The following RING1 variants were observed in gnomAD, a reference collection of about 807,000 sequenced individuals.
RING1 encodes the protein ring finger protein 1.
A neutral mutation model predicts 35.0 loss-of-function variants in RING1; 8 were observed. That is an observed-to-expected ratio of 0.23 (90% CI 0.13 to 0.41). RING1 has a LOEUF of 0.41. Among genes scored for constraint, RING1 ranks in the 10% least tolerant of loss-of-function variants. RING1 has a pLI of 1.00. For missense variants in RING1, 343 were observed against 546.8 expected (o/e 0.63, Z 3.72); for synonymous variants, 214 against 224.3 (o/e 0.95, Z 0.41).
Position 33,208,795 on chromosome 6 carries a change from C to G in RING1, c.-28C>G, listed in dbSNP as rs758713322. 1 of 1,578,872 alleles carries G rather than the reference C, an allele frequency of 6.3e-7. No homozygotes were observed. Among genetic ancestry groups the G allele is most frequent in the Non-Finnish European group, 8.6e-7 (1 of 1,159,972 alleles). On this transcript the variant is annotated 5_prime_UTR_variant, in exon 2 of 7. Coordinates refer to ENST00000374656, the MANE Select transcript of RING1 (RefSeq NM_002931.4). The surrounding 1 kb of genome is among the most constrained non-coding windows in gnomAD (Gnocchi z 6.2). ...TTCGCCTTCTCCTCGGCTGTGGAGC[C>G]CTGGTGGGGGGTCTGCGCCCGGTCA...
intron 4 of RING1, 121 bp downstream of exon 4, chr6:33,210,251 GA>G: frequency 4.7e-6 from 4 of 845,322 alleles, no homozygotes; most frequent in Non-Finnish European, 7.5e-6. Flanking sequence ...ATTAGGGCTG[GA>G]AATCATGGGT....
chr6:33,212,254 T>TA, intron 6 of RING1, 44 bp from the exon 7 acceptor site: 1 of 1,350,468 alleles, frequency 7.4e-7, no homozygotes, highest in Non-Finnish European at 1.0e-6. Flanking sequence ...CTTCTCCAAC[T>TA]TTCCTCTCTC....
rs2150700950 is a variant in RING1, at chr6:33,208,542, AGC to A, written c.-160_-159del. ...GGGCCATGGCGGCGGCGGTGGCGGGAGCTGCTGTCTGAGCAGCGGTTGCGGAC... is the reference window on the plus strand; with the variant it reads ...GGGCCATGGCGGCGGCGGTGGCGGGATGCTGTCTGAGCAGCGGTTGCGGAC... On this transcript the variant is annotated 5_prime_UTR_variant, in exon 1 of 7. It adds an upstream start codon to the 5' untranslated region. Coordinates refer to ENST00000374656, the MANE Select transcript of RING1 (RefSeq NM_002931.4). This position sits in a 1 kb window ranked among gnomAD's most constrained non-coding sequence, Gnocchi z 6.2. 1 of 423,834 alleles carries A rather than the reference AGC, an allele frequency of 2.4e-6. No individual in the cohort carries two copies. Among genetic ancestry groups the A allele is most frequent in the Admixed American group, 4.4e-5 (1 of 22,842 alleles). The allele number at this position is 423,834 out of a possible 1,614,324, so 26.3% of individuals were successfully genotyped here. A position where few individuals can be genotyped will look rare whatever the true frequency, so the allele number is the denominator to read the frequency against.
chr6:33,212,470 C>T lies in RING1; in HGVS notation c.*71C>T. 9.7e-7 allele frequency: 1 copy of T among 1,034,322 alleles called. No homozygotes were observed. Among genetic ancestry groups the T allele is most frequent in the Non-Finnish European group, 1.5e-6 (1 of 682,162 alleles). 64.1% of individuals were successfully genotyped at this position (1,034,322 alleles called of 1,614,324 possible). On this transcript the variant is annotated 3_prime_UTR_variant, in exon 7 of 7. Coordinates refer to ENST00000374656, the MANE Select transcript of RING1 (RefSeq NM_002931.4). ...GTGTCCTGGTCTATCACCCCAGCTTCTTTGTCCCCCAGTACCCCCAGCCCA... is the reference window on the plus strand; with the variant it reads ...GTGTCCTGGTCTATCACCCCAGCTTTTTTGTCCCCCAGTACCCCCAGCCCA...
intron 4 of RING1, among the ~76,000 whole-genome samples, chr6:33,210,677 C>A (rs1775460443): frequency 6.6e-6 from 1 of 151,946 alleles, no homozygotes; most frequent in Admixed American, 6.6e-5. Context: ...AACAGTAGAG[C>A]GATTTTGAGA....
rs1313513104 is a variant in RING1, at chr6:33,210,148, G to A, written c.455+18G>A. On this transcript the variant is annotated intron_variant, in intron 4 of 6. Transcript: ENST00000374656. ...ATGCACAGGTGTGAGGGTCAGGAGA[G>A]AAGCAGAACTGATGGGATGGGTCCG... The A allele has an allele frequency of 6.2e-7, 1 of 1,610,698 alleles. No individual in the cohort carries two copies. The highest frequency in any genetic ancestry group is 1.7e-5 in the Admixed American group (1 of 59,948).
In RING1 at chr6:33,211,104, A is replaced by G; in HGVS notation, c.456-54A>G. On this transcript the variant is annotated intron_variant, in intron 4 of 6. Transcript: ENST00000374656. This position sits in a 1 kb window ranked among gnomAD's most constrained non-coding sequence, Gnocchi z 6.3. ...TATCTCTTAATTCTCTGAAGTTTAA[A>G]GTCTAAGCCCTTTATCCTGGATGCC... 6.7e-7 allele frequency: 1 copy of G among 1,503,272 alleles called. No homozygotes were observed. The highest frequency in any genetic ancestry group is 8.9e-7 in the Non-Finnish European group (1 of 1,125,226). 93.1% of individuals were successfully genotyped at this position (1,503,272 alleles called of 1,614,324 possible).
intron 4 of RING1, 83 bp downstream of exon 4, chr6:33,210,213 C>A: frequency 7.9e-7 from 1 of 1,267,140 alleles, no homozygotes; most frequent in African/African-American, 1.5e-5. Context: ...TAAGCCTCAG[C>A]ATCCTAGGAG....
Position 33,211,065 on chromosome 6 carries a change from A to G in RING1, c.456-93A>G. On this transcript the variant is annotated intron_variant, in intron 4 of 6. Coordinates refer to ENST00000374656, the MANE Select transcript of RING1 (RefSeq NM_002931.4). The surrounding 1 kb of genome is among the most constrained non-coding windows in gnomAD (Gnocchi z 6.3). ...TGTTTAATAAATATTAGGTATCGTCATTAGGATTTTTCTTATCTCTTAATT... is the reference window on the plus strand; with the variant it reads ...TGTTTAATAAATATTAGGTATCGTCGTTAGGATTTTTCTTATCTCTTAATT... 2 of 1,388,514 alleles carry G rather than the reference A, an allele frequency of 1.4e-6. No individual in the cohort carries two copies. Among genetic ancestry groups the G allele is most frequent in the Non-Finnish European group, 1.9e-6 (2 of 1,029,868 alleles). The allele number at this position is 1,388,514 out of a possible 1,614,324, so 86.0% of individuals were successfully genotyped here. A position where few individuals can be genotyped will look rare whatever the true frequency, so the allele number is the denominator to read the frequency against.
Position 33,209,782 on chromosome 6 carries a change from A to AG in RING1, c.236dup (p.Ser79ArgfsTer26). ...TGACTGCATTGTCACAGCCCTACGGAGCGGGTAATAGGAGAGACATGTTTG... is the reference window on the plus strand; with the variant it reads ...TGACTGCATTGTCACAGCCCTACGGAGGCGGGTAATAGGAGAGACATGTTTG... On this transcript the variant is annotated frameshift_variant, in exon 3 of 7. Transcript: ENST00000374656. LOFTEE classifies it high-confidence loss of function. The surrounding 1 kb of genome is among the most constrained non-coding windows in gnomAD (Gnocchi z 5.1). 6.2e-7 allele frequency: 1 copy of AG among 1,613,816 alleles called. No homozygotes were observed. The highest frequency in any genetic ancestry group is 8.5e-7 in the Non-Finnish European group (1 of 1,179,896).
At position 33,211,084 on chromosome 6, in the gene RING1, C is replaced by T. The variant is rs370438818; in HGVS notation, c.456-74C>T. On this transcript the variant is annotated intron_variant, in intron 4 of 6. Transcript: ENST00000374656. The surrounding 1 kb of genome is among the most constrained non-coding windows in gnomAD (Gnocchi z 6.3). ...ATCGTCATTAGGATTTTTCTTATCT[C>T]TTAATTCTCTGAAGTTTAAAGTCTA... is the stretch of plus-strand genomic sequence containing the variant. The T allele has an allele frequency of 1.4e-6, 2 of 1,469,358 alleles. No homozygotes were observed. Among genetic ancestry groups the T allele is most frequent in the Non-Finnish European group, 1.8e-6 (2 of 1,098,596 alleles). The allele number at this position is 1,469,358 out of a possible 1,614,324, so 91.0% of individuals were successfully genotyped here.
In RING1 at chr6:33,211,465, C is replaced by A. The variant is rs1278001183; in HGVS notation, c.763C>A (p.Pro255Thr). The A allele has an allele frequency of 3.1e-6, 5 of 1,602,904 alleles. No individual in the cohort carries two copies. The highest frequency in any genetic ancestry group is 4.3e-6 in the Non-Finnish European group (5 of 1,174,518). The change falls in exon 5 of 7, where the codon CCC becomes ACC. Residue 255 changes from proline to threonine, a missense_variant. Physicochemically the swap from Pro to Thr is conservative, Grantham distance 38. Transcript: ENST00000374656. The surrounding 1 kb of genome is among the most constrained non-coding windows in gnomAD (Gnocchi z 6.3). ...GPPSPPGAPS[P>T]PEPGGEIELV... Reference sequence around the variant, plus strand: ...CCCAAGCCCTCCTGGGGCCCCCAGCCCCCCAGAGCCAGGTGGAGAAATTGA... The same window carrying A: ...CCCAAGCCCTCCTGGGGCCCCCAGCACCCCAGAGCCAGGTGGAGAAATTGA...
In RING1 at chr6:33,209,688, G is replaced by A. The variant is rs1427081874; in HGVS notation, c.141G>A (p.Met47Ile). ...CTCGGTCACTGCATTCAGAACTCAT[G>A]TGCCCTATCTGCCTGGACATGCTGA... ...VSPRSLHSEL[M>I]CPICLDMLKN... Residue 47 changes from methionine to isoleucine, a missense_variant, in exon 3 of 7, where the codon ATG becomes ATA. Coordinates refer to ENST00000374656, the MANE Select transcript of RING1 (RefSeq NM_002931.4). This position sits in a 1 kb window ranked among gnomAD's most constrained non-coding sequence, Gnocchi z 5.1. The A allele has an allele frequency of 1.9e-6, 3 of 1,612,992 alleles. No homozygotes were observed. The highest frequency in any genetic ancestry group is 2.5e-6 in the Non-Finnish European group (3 of 1,180,034).
At chr6:33,210,193 T>G (rs1339292155) in intron 4 of RING1, 63 bp downstream of exon 4, 2 of 1,454,444 alleles carry the variant, frequency 1.4e-6, no homozygotes, top group Non-Finnish European at 9.5e-7. Context: ...CCTTGTTGCC[T>G]GCTAGCTTCT....
chr6:33,211,873 T>C lies in RING1; in HGVS notation c.990T>C (p.Asp330=). The change falls in exon 6 of 7, where the codon GAT becomes GAC. Residue 330 remains aspartate (D), a synonymous_variant. Transcript: ENST00000374656. The surrounding 1 kb of genome is among the most constrained non-coding windows in gnomAD (Gnocchi z 6.3). ...GCGCCTCTGACACCGGAGGACCTGA[T>C]GGGTGTGGCGGGGAGGGTGGGGGTG... The part of the protein sequence containing the change: ...GGGASDTGGP[D]GCGGEGGGAG... The C allele has an allele frequency of 6.8e-7, 1 of 1,473,130 alleles. No homozygotes were observed. The highest frequency in any genetic ancestry group is 9.3e-7 in the Non-Finnish European group (1 of 1,077,100). 91.3% of individuals were successfully genotyped at this position (1,473,130 alleles called of 1,614,324 possible).
At position 33,208,999 on chromosome 6, in the gene RING1, G is replaced by T; in HGVS notation, c.78+99G>T. On this transcript the variant is annotated intron_variant, in intron 2 of 6. Coordinates refer to ENST00000374656, the MANE Select transcript of RING1 (RefSeq NM_002931.4). The surrounding 1 kb of genome is among the most constrained non-coding windows in gnomAD (Gnocchi z 6.2). ...TCTTTTCCGTAATTTGCTCTATTCT[G>T]CCTTGCCTGGCCCTACCTTTGAATC... The T allele has an allele frequency of 1.0e-6, 1 of 968,880 alleles. No individual in the cohort carries two copies. The highest frequency in any genetic ancestry group is 1.4e-5 in the South Asian group (1 of 72,706). 60.0% of individuals were successfully genotyped at this position (968,880 alleles called of 1,614,324 possible).
chr6:33,211,636 C>T lies in RING1; in HGVS notation c.845+89C>T, dbSNP rs1173681994. 4 of 1,547,006 alleles carry T rather than the reference C, an allele frequency of 2.6e-6. No individual in the cohort carries two copies. In the East Asian group the frequency reaches 9.0e-5, roughly 35 times the overall value. On this transcript the variant is annotated intron_variant, in intron 5 of 6. Coordinates refer to ENST00000374656, the MANE Select transcript of RING1 (RefSeq NM_002931.4). The surrounding 1 kb of genome is among the most constrained non-coding windows in gnomAD (Gnocchi z 6.3). ...GTGGGCTTTGCCCAAACCCAAAATA[C>T]CACCCCAACCCAGAATCCATTTTGG...
Position 33,209,322 on chromosome 6 carries a change from A to T in RING1, c.79-304A>T, listed in dbSNP as rs1179777151. The T allele has an allele frequency of 5.2e-6, 3 of 571,604 alleles. No individual in the cohort carries two copies. Among genetic ancestry groups the T allele is most frequent in the Non-Finnish European group, 9.4e-6 (3 of 320,678 alleles). 35.4% of individuals were successfully genotyped at this position (571,604 alleles called of 1,614,324 possible). ...CTAATACAGGTAGCACCAGGACTTT[A>T]AAAAATTTTGTTGAATAGTTTTTCC... On this transcript the variant is annotated intron_variant, in intron 2 of 6. Transcript: ENST00000374656. This position sits in a 1 kb window ranked among gnomAD's most constrained non-coding sequence, Gnocchi z 5.1.
rs769159319 is a variant in RING1 at position 33,211,258 on chromosome 6, G to A, written c.556G>A (p.Val186Met). ...GGAGGGAGAAGGGGATGGAGAAGATGTGAGCTCAGACTCCGCCCCTGACTC... is the reference window on the plus strand; with the variant it reads ...GGAGGGAGAAGGGGATGGAGAAGATATGAGCTCAGACTCCGCCCCTGACTC... ...PGEGEGDGED[V>M]SSDSAPDSAP... The change falls in exon 5 of 7, where the codon GTG becomes ATG. Residue 186 changes from valine (V) to methionine (M), a missense_variant. Physicochemically the swap from Val to Met is conservative, Grantham distance 21. Around this residue, in one of 2 missense-constraint regions of RING1, gnomAD observed 278 missense variants for 383.5 expected, o/e 0.72. Coordinates refer to ENST00000374656, the MANE Select transcript of RING1 (RefSeq NM_002931.4). The surrounding 1 kb of genome is among the most constrained non-coding windows in gnomAD (Gnocchi z 6.3). 1.9e-6 allele frequency: 3 copies of A among 1,612,774 alleles called. No homozygotes were observed. The highest frequency in any genetic ancestry group is 2.7e-5 in the African/African-American group (2 of 74,878).
Sources: gnomAD v4.1 joint callset for allele counts (sites outside exome capture counted in the v4.1 genomes callset) on GRCh38, gnomAD v4.1.1 for gene constraint, gnomAD v4.1.1 regional missense constraint, Gnocchi (gnomAD v3.1) non-coding constraint, MANE v1.5 for transcripts, NCBI Gene and HGNC (gene_info 2026-07-23, HGNC 2026-07-21) for gene names.